CNTNAP3B: variants seen among roughly 807,000 people sequenced by gnomAD.
CNTNAP3B encodes the protein contactin-associated protein-like 3B.
A neutral mutation model predicts 108.9 loss-of-function variants in CNTNAP3B; 25 were observed. The ratio of observed to expected loss-of-function variants is 0.23; its 90% CI spans 0.17 to 0.32. CNTNAP3B has a LOEUF of 0.32. CNTNAP3B is among the 10% of genes least tolerant of loss of function. The pLI is 1.00. For synonymous variants in CNTNAP3B, 103 were observed against 473.4 expected, an observed-to-expected ratio of 0.22 and a Z score of 10.16; for missense variants, 252 against 1,210.4, an observed-to-expected ratio of 0.21 and a Z score of 11.75.
At chr9:41,923,678 C>T (rs1409936952) in intron 16 of CNTNAP3B, among the ~76,000 whole-genome samples, 1 of 152,298 alleles carries the variant, frequency 6.6e-6, no homozygotes, top group East Asian at 1.9e-4. Context: ...AGGAGAATTG[C>T]TTGAACCCAG....
At chr9:41,954,246 T>A (rs1433380214) in intron 12 of CNTNAP3B, among the ~76,000 whole-genome samples, 3 of 152,274 alleles carry the variant, frequency 2.0e-5, no homozygotes, top group South Asian at 2.1e-4. Flanking sequence ...GGGGATTTTT[T>A]AAGAACTACG....
rs1421947824 is a variant in CNTNAP3B at position 42,098,181 on chromosome 9, CTG to C, written c.196+6446_196+6447del. ...TAAAAGCAACTTTTGACCATTTTCT[CTG>C]TGTGTGTGTCTACATAGCAAACTTA... On this transcript the variant is annotated intron_variant, in intron 2 of 23. Coordinates refer to ENST00000377561, the MANE Select transcript of CNTNAP3B (RefSeq NM_001201380.3). Among the ~76,000 whole-genome samples the C allele has an allele frequency of 9.4e-5, 13 of 138,078 alleles. 2 individuals are homozygous for C. The East Asian group carries it at 2.0e-3, about 21-fold the overall frequency. 90.6% of individuals were successfully genotyped at this position (138,078 alleles called of 152,430 possible). A position where few individuals can be genotyped will look rare whatever the true frequency, so the allele number is the denominator to read the frequency against.
intron 11 of CNTNAP3B, among the ~76,000 whole-genome samples, chr9:41,961,705 C>T (rs544245268): frequency 9.4e-4 from 143 of 152,374 alleles, no homozygotes; most frequent in Middle Eastern, 3.4e-3. Flanking sequence ...AAAAAAGAAA[C>T]GTCCCTAAGT....
chr9:41,927,887 A>G (rs925130693), intron 15 of CNTNAP3B, among the ~76,000 whole-genome samples: 1 of 139,072 alleles, frequency 7.2e-6, no homozygotes. Context: ...CCATTGGAAG[A>G]AACAGAAAAA....
At position 42,062,048 on chromosome 9, in the gene CNTNAP3B, T is replaced by TC. The variant is rs1283706579; in HGVS notation, c.390+14820dup. 1.5e-4 allele frequency among the ~76,000 whole-genome samples: 7 copies of TC among 45,702 alleles called. 2 individuals carry two copies. Among genetic ancestry groups the TC allele is most frequent in the African/African-American group, 2.7e-4 (4 of 15,066 alleles). The allele number at this position is 45,702 out of a possible 152,430, so 30.0% of individuals were successfully genotyped here. A position where few individuals can be genotyped will look rare whatever the true frequency, so the allele number is the denominator to read the frequency against. The stretch of plus-strand genomic sequence containing the variant: ...CTTGGTTAACTGACCCCTTTATCCT[T>TC]CTTTTTTTTTTGAGACGGAGTCTTG... On this transcript the variant is annotated intron_variant, in intron 3 of 23. Transcript: ENST00000377561.
intron 11 of CNTNAP3B, among the ~76,000 whole-genome samples, chr9:41,962,220 CAT>C (rs1266770703): frequency 1.3e-5 from 2 of 152,180 alleles, no homozygotes; most frequent in Non-Finnish European, 2.9e-5. Context: ...ATAATTGATA[CAT>C]GTTATACAAT....
intron 2 of CNTNAP3B, among the ~76,000 whole-genome samples, chr9:42,082,865 T>C (rs538769475): frequency 2.4e-4 from 34 of 141,084 alleles, no homozygotes; most frequent in Non-Finnish European, 4.3e-4. Flanking sequence ...TAAAGGTAAG[T>C]AGTGCAAACA....
chr9:41,916,192 T>C (rs1245366538), intron 18 of CNTNAP3B, among the ~76,000 whole-genome samples: 1,069 of 140,730 alleles, frequency 7.6e-3, no homozygotes, highest in Non-Finnish European at 0.011. Context: ...TACCATTTGG[T>C]GTTATTCCTT....
chr9:41,944,332 A>T (rs1165874319), intron 13 of CNTNAP3B, among the ~76,000 whole-genome samples: 1 of 145,904 alleles, frequency 6.9e-6, no homozygotes, highest in Admixed American at 6.9e-5. Flanking sequence ...AGCTCTAAAT[A>T]ATACTAACAA....
chr9:41,993,523 C>T (rs1468435156), intron 7 of CNTNAP3B: 1 of 109,362 alleles, frequency 9.1e-6, no homozygotes, highest in African/African-American at 3.6e-5. Flanking sequence ...TTTGCTGTAA[C>T]GAACTAAATA....
intron 1 of CNTNAP3B, among the ~76,000 whole-genome samples, chr9:42,126,969 G>C (rs1325639976): frequency 7.2e-6 from 1 of 138,758 alleles, no homozygotes; most frequent in Non-Finnish European, 1.5e-5. Flanking sequence ...TGAATAACGT[G>C]AGCAACTCAT....
intron 11 of CNTNAP3B, among the ~76,000 whole-genome samples, chr9:41,961,919 G>C (rs1473545493): frequency 1.3e-5 from 2 of 152,298 alleles, no homozygotes; most frequent in African/African-American, 4.8e-5. Context: ...GCCACTTATG[G>C]CATATTGATT....
At chr9:42,119,285 A>C (rs1471580254) in intron 1 of CNTNAP3B, among the ~76,000 whole-genome samples, 13 of 126,210 alleles carry the variant, frequency 1.0e-4, no homozygotes, top group Admixed American at 2.4e-4. Context: ...ATGTGAAGGA[A>C]CTCTTCAAGG....
chr9:42,121,762 A>C (rs1415355325), intron 1 of CNTNAP3B, among the ~76,000 whole-genome samples: 1 of 140,112 alleles, frequency 7.1e-6, no homozygotes, highest in Non-Finnish European at 1.5e-5. Flanking sequence ...TATTTCTTAT[A>C]TCATGTTATA....
At chr9:41,924,357 C>T (rs1292161300) in intron 15 of CNTNAP3B, among the ~76,000 whole-genome samples, 3 of 152,308 alleles carry the variant, frequency 2.0e-5, no homozygotes, top group Admixed American at 1.3e-4. Flanking sequence ...GATCGCGCAG[C>T]AACACAGTAG....
intron 7 of CNTNAP3B, among the ~76,000 whole-genome samples, chr9:41,995,549 C>G (rs1249255058): frequency 7.4e-6 from 1 of 134,918 alleles, no homozygotes; most frequent in Non-Finnish European, 1.6e-5. Flanking sequence ...TCCTGGCTAA[C>G]ATGGTGAAAC....
intron 17 of CNTNAP3B, among the ~76,000 whole-genome samples, chr9:41,921,456 C>T (rs1225067397): frequency 1.3e-5 from 2 of 149,596 alleles, no homozygotes; most frequent in African/African-American, 2.5e-5. Context: ...GCATTTAGTA[C>T]CTGGAAGTTG....
intron 13 of CNTNAP3B, among the ~76,000 whole-genome samples, chr9:41,939,623 A>T (rs1824271926): frequency 6.6e-6 from 1 of 152,302 alleles, no homozygotes; most frequent in Non-Finnish European, 1.5e-5. Context: ...TTAAAAATTA[A>T]TACACTCTTC....
intron 1 of CNTNAP3B, among the ~76,000 whole-genome samples, chr9:42,127,876 G>C (rs1232016944): frequency 1.4e-5 from 2 of 138,990 alleles, no homozygotes; most frequent in Admixed American, 1.4e-4. Flanking sequence ...ACTGAGCTAC[G>C]GCAAACTTTT....
Sources: allele counts gnomAD v4.1 joint callset (sites outside exome capture counted in the v4.1 genomes callset), GRCh38; gene constraint gnomAD v4.1.1; transcripts MANE v1.5; gene names NCBI Gene and HGNC (gene_info 2026-07-23, HGNC 2026-07-21).